RANBP17: variants seen among roughly 807,000 people sequenced by gnomAD.
RANBP17 encodes ran-binding protein 17.
Under a neutral mutation model 141.2 loss-of-function variants are expected in RANBP17, and 158 were observed. That is an observed-to-expected ratio of 1.12 (90% CI 0.98 to 1.28). The LOEUF is 1.28. RANBP17 is among the 50% of genes most tolerant of loss of function. RANBP17 has a pLI of 0.00. For missense variants in RANBP17, 1,438 were observed against 1,290.7 expected, an observed-to-expected ratio of 1.11 and a Z score of -1.75; for synonymous variants, 430 against 450.0, an observed-to-expected ratio of 0.96 and a Z score of 0.56.
chr5:171,277,649 A>T (rs866741496), intron 25 of RANBP17, among the ~76,000 whole-genome samples: 1 of 125,084 alleles, frequency 8.0e-6, no homozygotes, highest in African/African-American at 3.0e-5. Flanking sequence ...ATATATATAT[A>T]TATATATATA....
At chr5:171,203,312 C>G (rs1245527008) in intron 19 of RANBP17, among the ~76,000 whole-genome samples, 1 of 152,132 alleles carries the variant, frequency 6.6e-6, no homozygotes, top group Non-Finnish European at 1.5e-5. Flanking sequence ...TGGTTGAGCT[C>G]TTAGTTAACA....
In RANBP17 at chr5:171,022,047, T is replaced by TG. The variant is rs554036147; in HGVS notation, c.1710+53674dup. Among the ~76,000 whole-genome samples, 381 of 152,242 alleles carry TG rather than the reference T, an allele frequency of 2.5e-3. 4 individuals are homozygous for TG. Among genetic ancestry groups the TG allele is most frequent in the African/African-American group, 7.7e-3 (319 of 41,534 alleles). On this transcript the variant is annotated intron_variant, in intron 14 of 27. Transcript: ENST00000523189. ...CAGGTCCCTCCTCTGTAGGGTTTGC[T>TG]GGGGCTTCTGTAAGGTTTGCTGGGT...
At chr5:170,953,525 G>T in intron 12 of RANBP17, 72 bp from the exon 13 acceptor site, 2 of 935,788 alleles carry the variant, frequency 2.1e-6, no homozygotes, top group Non-Finnish European at 3.4e-6. Context: ...TGCTGATTTT[G>T]GAATTTCCCC....
intron 22 of RANBP17, among the ~76,000 whole-genome samples, chr5:171,226,285 T>G (rs552888565): frequency 6.6e-6 from 1 of 152,334 alleles, no homozygotes; most frequent in African/African-American, 2.4e-5. Context: ...TGGGTCCTGG[T>G]ATCTTTAGTG....
chr5:171,239,610 G>A (rs554296502), intron 22 of RANBP17, among the ~76,000 whole-genome samples: 15 of 152,292 alleles, frequency 9.8e-5, no homozygotes, highest in Non-Finnish European at 1.9e-4. Flanking sequence ...AGACAAGTTG[G>A]AATTTGCAGG....
Position 171,082,575 on chromosome 5 carries a change from A to T in RANBP17, c.1711-87555A>T, listed in dbSNP as rs887164760. Among the ~76,000 whole-genome samples, 8 of 152,150 alleles carry T rather than the reference A, an allele frequency of 5.3e-5. 1 individual carries two copies. The highest frequency in any genetic ancestry group is 1.2e-4 in the Non-Finnish European group (8 of 68,012). The stretch of plus-strand genomic sequence containing the variant: ...ACCTCTAAAAAGAGAATGTAGTAGA[A>T]ATCAGGAATCCTCTGTTCTAGTGTG... On this transcript the variant is annotated intron_variant, in intron 14 of 27. Transcript: ENST00000523189.
intron 14 of RANBP17, among the ~76,000 whole-genome samples, chr5:171,006,834 A>C (rs1338714067): frequency 1.3e-5 from 2 of 151,992 alleles, no homozygotes; most frequent in African/African-American, 4.8e-5. Context: ...CGGGCCATGA[A>C]CTGGGCTGGG....
intron 14 of RANBP17, among the ~76,000 whole-genome samples, chr5:171,059,133 A>G (rs935297759): frequency 4.0e-5 from 6 of 151,812 alleles, no homozygotes; most frequent in African/African-American, 9.7e-5. Context: ...CTCTGATGGT[A>G]GTTTCTTTCA....
intron 14 of RANBP17, among the ~76,000 whole-genome samples, chr5:170,988,375 T>A (rs1308857105): frequency 6.6e-6 from 1 of 150,420 alleles, no homozygotes; most frequent in African/African-American, 2.4e-5. Context: ...AGTGTTTGAT[T>A]TTTTTTTTTG....
At chr5:170,880,936 A>C (rs904528003) in intron 2 of RANBP17, among the ~76,000 whole-genome samples, 2 of 152,224 alleles carry the variant, frequency 1.3e-5, no homozygotes, top group African/African-American at 2.4e-5. Context: ...CAGCAGTAGG[A>C]AGCACTGAGC....
intron 14 of RANBP17, among the ~76,000 whole-genome samples, chr5:171,003,093 C>T (rs980552560): frequency 5.3e-5 from 8 of 152,136 alleles, no homozygotes; most frequent in African/African-American, 7.2e-5. Flanking sequence ...AGGGCAATGG[C>T]GGCCGCTGCA....
At chr5:171,168,600 G>T (rs1440674658) in intron 14 of RANBP17, among the ~76,000 whole-genome samples, 1 of 152,054 alleles carries the variant, frequency 6.6e-6, no homozygotes, top group Non-Finnish European at 1.5e-5. Context: ...GTGCTTAAAG[G>T]TTTGTGATTA....
At chr5:171,143,499 A>G (rs1757838196) in intron 14 of RANBP17, 1 of 152,158 alleles carries the variant, frequency 6.6e-6, no homozygotes, top group Admixed American at 6.5e-5. Context: ...ATGGTTCCAC[A>G]TCTTTAAAAA....
At chr5:171,114,029 A>G (rs534359884) in intron 14 of RANBP17, among the ~76,000 whole-genome samples, 109 of 152,224 alleles carry the variant, frequency 7.2e-4, no homozygotes, top group Non-Finnish European at 1.4e-3. Context: ...TTAACATGCC[A>G]TACATTTATT....
At chr5:171,064,926 C>T (rs1784209043) in intron 14 of RANBP17, among the ~76,000 whole-genome samples, 2 of 151,964 alleles carry the variant, frequency 1.3e-5, no homozygotes, top group African/African-American at 4.8e-5. Flanking sequence ...GCGATATATG[C>T]TGTGAATGTT....
chr5:170,880,848 T>TCATG (rs1303360156), intron 2 of RANBP17, among the ~76,000 whole-genome samples: 2 of 152,238 alleles, frequency 1.3e-5, no homozygotes, highest in Non-Finnish European at 2.9e-5. Context: ...AAGGTATGTG[T>TCATG]CATGTCATGA....
At chr5:170,870,409 C>T (rs1160480134) in intron 1 of RANBP17, among the ~76,000 whole-genome samples, 1 of 151,818 alleles carries the variant, frequency 6.6e-6, no homozygotes, top group Non-Finnish European at 1.5e-5. Context: ...GTGTTGTTCC[C>T]CTCCCTGTGT....
At chr5:170,902,948 G>A (rs1158454049) in intron 5 of RANBP17, among the ~76,000 whole-genome samples, 2 of 152,156 alleles carry the variant, frequency 1.3e-5, no homozygotes, top group Non-Finnish European at 2.9e-5. Flanking sequence ...TCCTGTATGA[G>A]GTGTCTGTTG....
chr5:171,105,874 T>A (rs1240066414), intron 14 of RANBP17, among the ~76,000 whole-genome samples: 1 of 152,178 alleles, frequency 6.6e-6, no homozygotes, highest in Non-Finnish European at 1.5e-5. Flanking sequence ...GAAAAAAATA[T>A]GATTAGGATT....
Sources: allele counts gnomAD v4.1 joint callset (sites outside exome capture counted in the v4.1 genomes callset), GRCh38; gene constraint gnomAD v4.1.1; transcripts MANE v1.5; gene names NCBI Gene and HGNC (gene_info 2026-07-23, HGNC 2026-07-21).